Variants in PLPP5 observed in about 807,000 individuals in gnomAD.
PLPP5 encodes diacylglycerol pyrophosphate like 1.
Under a neutral mutation model 23.6 loss-of-function variants are expected in PLPP5, and 29 were observed. The ratio of observed to expected loss-of-function variants is 1.23; its 90% confidence interval spans 0.92 to 1.68. The LOEUF (loss-of-function observed/expected upper bound fraction) is 1.68. Ranked by LOEUF, PLPP5 falls within the 40% of genes most tolerant of loss-of-function variation. PLPP5 has a pLI of 0.00. For synonymous variants in PLPP5, 143 were observed against 131.3 expected, an observed-to-expected ratio of 1.09 and a Z score of -0.61; for missense variants, 315 against 332.1, an observed-to-expected ratio of 0.95 and a Z score of 0.40.
intron 2 of PLPP5, 121 bp downstream of exon 2, chr8:38,268,761 G>T: frequency 7.0e-7 from 1 of 1,437,072 alleles, no homozygotes. Context: ...GCGGAACCCA[G>T]CGCACAGCAG....
At chr8:38,267,820 G>A (rs1204047636) in intron 4 of PLPP5, 77 bp downstream of exon 4, 1 of 1,377,968 alleles carries the variant, frequency 7.3e-7, no homozygotes, top group Non-Finnish European at 1.0e-6. Flanking sequence ...AAGACGTGTG[G>A]TGGACACCAT....
chr8:38,267,129 G>C (rs1807744587), intron 5 of PLPP5, 138 bp downstream of exon 5: 1 of 1,540,408 alleles, frequency 6.5e-7, no homozygotes, highest in South Asian at 1.3e-5. Flanking sequence ...TTGTTAAACT[G>C]TGGAGTTACT....
Position 38,267,688 on chromosome 8 carries a change from G to A in PLPP5, c.338+209C>T, listed in dbSNP as rs532418797. The A allele has an allele frequency of 4.4e-4, 278 of 636,778 alleles. 2 individuals carry two copies. The highest frequency in any genetic ancestry group is 1.2e-3 in the South Asian group (60 of 48,488). 39.4% of individuals were successfully genotyped at this position (636,778 alleles called of 1,614,324 possible). A position where few individuals can be genotyped will look rare whatever the true frequency, so the allele number is the denominator to read the frequency against. Reference sequence around the variant, plus strand: ...GACCGACTGCTGTGGCCGTTGGTGGGAAATGCTGTTCAGGCAGAAAAGAGC... The same window carrying A: ...GACCGACTGCTGTGGCCGTTGGTGGAAAATGCTGTTCAGGCAGAAAAGAGC... On this transcript the variant is annotated intron_variant, in intron 4 of 6. Transcript: ENST00000424479.
intron 2 of PLPP5, 200 bp from the exon 3 acceptor site, chr8:38,268,661 C>T: frequency 1.4e-6 from 2 of 1,433,218 alleles, no homozygotes; most frequent in East Asian, 5.0e-5. Flanking sequence ...GGCTGAGGCA[C>T]AGAGCGCCCG....
At chr8:38,266,073 C>T in intron 6 of PLPP5, 68 bp downstream of exon 6, 2 of 1,454,872 alleles carry the variant, frequency 1.4e-6, no homozygotes, top group Non-Finnish European at 1.9e-6. Flanking sequence ...AGCATCTCCT[C>T]TGTGCTAGGT....
rs922353351 is a variant in PLPP5, at chr8:38,267,585, C to A, written c.339-194G>T. 12 of 678,450 alleles carry A rather than the reference C, an allele frequency of 1.8e-5. No individual in the cohort carries two copies. In the African/African-American group the frequency reaches 2.0e-4, roughly 11 times the overall value. 42.0% of individuals were successfully genotyped at this position (678,450 alleles called of 1,614,324 possible). On this transcript the variant is annotated intron_variant, in intron 4 of 6. Coordinates refer to ENST00000424479, the MANE Select transcript of PLPP5 (RefSeq NM_001102559.2). ...GAGCATTTAAATTAGGGGAAAAACG[C>A]CCATTCCAGCACATGATTACTTTTT...
At chr8:38,267,732 A>T (rs774241265) in intron 4 of PLPP5, 165 bp downstream of exon 4, 8 of 727,526 alleles carry the variant, frequency 1.1e-5, no homozygotes, top group Non-Finnish European at 1.8e-5. Context: ...CACCTGGAGG[A>T]CTGAGGTATG....
At position 38,268,886 on chromosome 8, in the gene PLPP5, A is replaced by G; in HGVS notation, c.179T>C (p.Met60Thr). 2 of 1,552,640 alleles carry G rather than the reference A, an allele frequency of 1.3e-6. No homozygotes were observed. The highest frequency in any genetic ancestry group is 1.2e-5 in the South Asian group (1 of 83,240). Reference sequence around the variant, plus strand: ...AGACGATCTTTCTCCACGCACAAACATCGGCTTGGTGGGGAAATACTCCGC... The same window carrying G: ...AGACGATCTTTCTCCACGCACAAACGTCGGCTTGGTGGGGAAATACTCCGC... Reference protein sequence around the residue: ...VEAEYFPTKPMFVIAFLSPLS... With the variant: ...VEAEYFPTKPTFVIAFLSPLS... Residue 60 changes from methionine to threonine, a missense_variant, in exon 2 of 7, where the codon ATG becomes ACG. Transcript: ENST00000424479.
At chr8:38,268,290 C>T in intron 3 of PLPP5, 81 bp downstream of exon 3, 1 of 1,312,438 alleles carries the variant, frequency 7.6e-7, no homozygotes, top group Non-Finnish European at 1.1e-6. Flanking sequence ...GGCCTCCACA[C>T]AGGCTCACCG....
chr8:38,267,229 A>G, intron 5 of PLPP5, 38 bp downstream of exon 5: 1 of 1,613,860 alleles, frequency 6.2e-7, no homozygotes. Flanking sequence ...CAATGATGTG[A>G]AAACAAGCAT....
At chr8:38,264,999 T>G (rs1286039601) in intron 6 of PLPP5, 2 of 1,303,634 alleles carry the variant, frequency 1.5e-6, no homozygotes, top group African/African-American at 2.9e-5. Flanking sequence ...CCGGGCACGG[T>G]GACTCACGCC....
Position 38,266,295 on chromosome 8 carries a change from C to T in PLPP5, c.480G>A (p.Leu160=), listed in dbSNP as rs937649824. 6.2e-7 allele frequency: 1 copy of T among 1,612,712 alleles called. No individual in the cohort carries two copies. The highest frequency in any genetic ancestry group is 1.3e-5 in the African/African-American group (1 of 74,816). The part of the protein sequence containing the change: ...SGHSSFAFAG[L]AFASFYLAGK... The stretch of plus-strand genomic sequence containing the variant: ...CTGCCAGGTAGAAGGACGCAAAGGC[C>T]AGACCAGCAAATGCAACTGGAACAA... Residue 160 remains leucine (L), a synonymous_variant, in exon 6 of 7, where the codon CTG becomes CTA. Coordinates refer to ENST00000424479, the MANE Select transcript of PLPP5 (RefSeq NM_001102559.2).
At position 38,264,606 on chromosome 8, in the gene PLPP5, T is replaced by G. The variant is rs1236945718; in HGVS notation, c.635-2A>C. 1 of 1,588,116 alleles carries G rather than the reference T, an allele frequency of 6.3e-7. No individual in the cohort carries two copies. The highest frequency in any genetic ancestry group is 8.6e-7 in the Non-Finnish European group (1 of 1,167,200). On this transcript the variant is annotated splice_acceptor_variant, in intron 6 of 6. Transcript: ENST00000424479. LOFTEE classifies it high-confidence loss of function. ...CAATCATGGATCCAACTAGTACATC[T>G]GAAGAGAGTGGAAACAAGGTCTTCT... is the stretch of plus-strand genomic sequence containing the variant.
Position 38,264,589 on chromosome 8 carries a change from G to T in PLPP5, c.650C>A (p.Ser217Tyr), listed in dbSNP as rs1347073241. Residue 217 changes from serine (S) to tyrosine (Y), a missense_variant, in exon 7 of 7, where the codon TCC becomes TAC. Coordinates refer to ENST00000424479, the MANE Select transcript of PLPP5 (RefSeq NM_001102559.2). ...KHHWQDVLVG[S>Y]MIGMTFAYVC... Reference sequence around the variant, plus strand: ...ATAGGCAAATGTCATTCCAATCATGGATCCAACTAGTACATCTGAAGAGAG... The same window carrying T: ...ATAGGCAAATGTCATTCCAATCATGTATCCAACTAGTACATCTGAAGAGAG... The T allele has an allele frequency of 6.3e-7, 1 of 1,594,084 alleles. No individual in the cohort carries two copies. Among genetic ancestry groups the T allele is most frequent in the Non-Finnish European group, 8.5e-7 (1 of 1,169,942 alleles).
chr8:38,267,806 GAGAA>G, intron 4 of PLPP5, 87 bp downstream of exon 4: 2 of 1,274,128 alleles, frequency 1.6e-6, no homozygotes, highest in South Asian at 2.5e-5. Flanking sequence ...AGAAAAGAAT[GAGAA>G]AGACGTGTGG....
Position 38,264,396 on chromosome 8 carries a change from G to C in PLPP5, c.*48C>G. The C allele has an allele frequency of 7.0e-7, 1 of 1,426,304 alleles. No individual in the cohort carries two copies. Among genetic ancestry groups the C allele is most frequent in the Non-Finnish European group, 9.4e-7 (1 of 1,060,122 alleles). 88.4% of individuals were successfully genotyped at this position (1,426,304 alleles called of 1,614,324 possible). ...GATCCACCCTCCTCAGCCTCCCAAA[G>C]TGTTGGGATTACAGGCATGAGCCAC... On this transcript the variant is annotated 3_prime_UTR_variant, in exon 7 of 7. Coordinates refer to ENST00000424479, the MANE Select transcript of PLPP5 (RefSeq NM_001102559.2).
Position 38,268,574 on chromosome 8 carries a change from TGAGTGCGCGTAACCGGGC to T in PLPP5, c.184-131_184-114del. 2.7e-6 allele frequency: 4 copies of T among 1,470,332 alleles called. No individual in the cohort carries two copies. In the South Asian group the frequency reaches 5.4e-5, roughly 20 times the overall value. The allele number at this position is 1,470,332 out of a possible 1,614,324, so 91.1% of individuals were successfully genotyped here. A position where few individuals can be genotyped will look rare whatever the true frequency, so the allele number is the denominator to read the frequency against. The stretch of plus-strand genomic sequence containing the variant: ...CTCACTGGAGCTAACATAAGGTCTC[TGAGTGCGCGTAACCGGGC>T]GCCAGGCAGCGCCACCAGTGAACAG... On this transcript the variant is annotated intron_variant, in intron 2 of 6. Coordinates refer to ENST00000424479, the MANE Select transcript of PLPP5 (RefSeq NM_001102559.2).
Position 38,264,076 on chromosome 8 carries a change from A to C in PLPP5, c.*368T>G. The C allele has an allele frequency of 6.1e-6, 6 of 990,432 alleles. No homozygotes were observed. The highest frequency in any genetic ancestry group is 7.2e-6 in the Non-Finnish European group (6 of 833,322). The allele number at this position is 990,432 out of a possible 1,614,324, so 61.4% of individuals were successfully genotyped here. A position where few individuals can be genotyped will look rare whatever the true frequency, so the allele number is the denominator to read the frequency against. On this transcript the variant is annotated 3_prime_UTR_variant, in exon 7 of 7. Transcript: ENST00000424479. ...ACTTGCACCTTGGAAGGGGAAAAAA[A>C]GGCTAGAATTTCTTGTCTTGTGCAT...
Position 38,269,012 on chromosome 8 carries a change from C to T in PLPP5, c.75-22G>A, listed in dbSNP as rs747755134. Reference sequence around the variant, plus strand: ...CACCCTAGAGGGGAACAAAGAAGCGCAGAGCAGGTCGCCTGGCTTCCTCCC... The same window carrying T: ...CACCCTAGAGGGGAACAAAGAAGCGTAGAGCAGGTCGCCTGGCTTCCTCCC... On this transcript the variant is annotated intron_variant, in intron 1 of 6. Transcript: ENST00000424479. The T allele has an allele frequency of 8.3e-6, 13 of 1,558,612 alleles. 1 individual carries two copies. The South Asian group carries it at 1.4e-4, about 17-fold the overall frequency.
Sources: allele counts gnomAD v4.1 joint callset, GRCh38; gene constraint gnomAD v4.1.1; transcripts MANE v1.5; gene names NCBI Gene and HGNC (gene_info 2026-07-23, HGNC 2026-07-21).